MPPED1: variants seen among roughly 807,000 people sequenced by gnomAD.
The protein encoded by MPPED1 is metallophosphoesterase domain-containing protein 1.
Under a neutral mutation model 36.2 loss-of-function variants are expected in MPPED1, and 16 were observed. The observed-to-expected ratio is 0.44, with a 90% confidence interval of 0.30 to 0.67. MPPED1 has a LOEUF of 0.67. Ranked by LOEUF, MPPED1 falls within the 30% of genes least tolerant of loss-of-function variation. The pLI, the probability that MPPED1 is intolerant of heterozygous loss-of-function variation, is 0.10. For synonymous variants in MPPED1, 199 were observed against 191.3 expected, an observed-to-expected ratio of 1.04 and a Z score of -0.33; for missense variants, 307 against 453.4, an observed-to-expected ratio of 0.68 and a Z score of 2.93.
intron 4 of MPPED1, among the ~76,000 whole-genome samples, chr22:43,483,228 C>T (rs549171138): frequency 6.6e-6 from 1 of 152,360 alleles, no homozygotes; most frequent in African/African-American, 2.4e-5. Context: ...ATCTCCTGGC[C>T]CCATAGCTTC....
intron 4 of MPPED1, among the ~76,000 whole-genome samples, chr22:43,495,980 G>T (rs1602017554): frequency 7.1e-6 from 1 of 140,146 alleles, no homozygotes; most frequent in Non-Finnish European, 1.6e-5. Flanking sequence ...GATGGTGGTG[G>T]TGGAGATGGT....
intron 3 of MPPED1, among the ~76,000 whole-genome samples, chr22:43,456,764 G>A (rs530016352): frequency 3.5e-4 from 54 of 152,296 alleles, no homozygotes; most frequent in Admixed American, 1.5e-3. Flanking sequence ...CCAAAGTGCT[G>A]GGATTACAGG....
intron 4 of MPPED1, among the ~76,000 whole-genome samples, chr22:43,486,712 C>T (rs1931922279): frequency 6.6e-6 from 1 of 151,938 alleles, no homozygotes; most frequent in South Asian, 2.1e-4. Context: ...CAGCCTGCAC[C>T]CCGGGAAATG....
intron 3 of MPPED1, among the ~76,000 whole-genome samples, chr22:43,456,980 A>T (rs1363042913): frequency 6.6e-6 from 1 of 152,104 alleles, no homozygotes; most frequent in Non-Finnish European, 1.5e-5. Context: ...ATACCTTTTT[A>T]TATGGTGTCT....
chr22:43,418,285 G>A, intron 1 of MPPED1: 1 of 381,154 alleles, frequency 2.6e-6, no homozygotes, highest in Non-Finnish European at 5.3e-6. Context: ...GAGTTTGAGA[G>A]GCCTGTGTTG....
chr22:43,412,023 C>A lies in MPPED1; in HGVS notation c.-214C>A, dbSNP rs1928917709. The A allele has an allele frequency of 1.0e-6, 1 of 979,220 alleles. No individual in the cohort carries two copies. 60.7% of individuals were successfully genotyped at this position (979,220 alleles called of 1,614,324 possible). On this transcript the variant is annotated 5_prime_UTR_variant, in exon 1 of 7. Transcript: ENST00000443721. ...GAGGAGTCTGGCTCCCACTTGCAGC[C>A]TCGGACGCGCGGCGAGGCGGCCGCC...
At chr22:43,434,534 T>A (rs1929883659) in intron 2 of MPPED1, among the ~76,000 whole-genome samples, 1 of 152,168 alleles carries the variant, frequency 6.6e-6, no homozygotes, top group African/African-American at 2.4e-5. Flanking sequence ...GAAGAAAACG[T>A]CTTGCTCTTC....
intron 3 of MPPED1, among the ~76,000 whole-genome samples, chr22:43,455,299 G>A (rs1401349249): frequency 6.6e-6 from 1 of 151,752 alleles, no homozygotes; most frequent in Non-Finnish European, 1.5e-5. Context: ...TAGTAGAGAT[G>A]GGGTTTCACC....
At chr22:43,443,712 G>C (rs781754192) in intron 3 of MPPED1, among the ~76,000 whole-genome samples, 6 of 151,912 alleles carry the variant, frequency 3.9e-5, no homozygotes, top group Non-Finnish European at 8.8e-5. Context: ...GAGCTAACAA[G>C]AATTCTCTCT....
At chr22:43,431,381 A>G (rs939124646) in intron 2 of MPPED1, among the ~76,000 whole-genome samples, 2 of 151,458 alleles carry the variant, frequency 1.3e-5, no homozygotes, top group Admixed American at 1.3e-4. Context: ...TCTTTCCTTC[A>G]CTTGCAAACA....
chr22:43,457,798 A>C (rs1930807389), intron 3 of MPPED1, among the ~76,000 whole-genome samples: 1 of 152,156 alleles, frequency 6.6e-6, no homozygotes, highest in Non-Finnish European at 1.5e-5. Context: ...GTAGAGTTCT[A>C]TGCCCTCCCC....
intron 4 of MPPED1, among the ~76,000 whole-genome samples, chr22:43,485,283 CAT>C (rs1276144458): frequency 6.6e-6 from 1 of 151,968 alleles, no homozygotes; most frequent in African/African-American, 2.4e-5. Context: ...CGCTCAAACA[CAT>C]GCATTCACAC....
At chr22:43,439,030 G>A (rs561194311) in intron 3 of MPPED1, among the ~76,000 whole-genome samples, 13 of 152,334 alleles carry the variant, frequency 8.5e-5, no homozygotes, top group African/African-American at 2.9e-4. Flanking sequence ...AGACAGACAG[G>A]AAGAGATTTA....
chr22:43,416,218 A>G (rs1419996734), intron 1 of MPPED1, among the ~76,000 whole-genome samples: 1 of 152,158 alleles, frequency 6.6e-6, no homozygotes, highest in Non-Finnish European at 1.5e-5. Context: ...GGAGTTTTGC[A>G]TTTGTAAGTT....
intron 4 of MPPED1, among the ~76,000 whole-genome samples, chr22:43,477,473 C>G (rs995871308): frequency 6.6e-6 from 1 of 152,206 alleles, no homozygotes; most frequent in Non-Finnish European, 1.5e-5. Context: ...CCGCTACCCT[C>G]CCCTGGGAGG....
At position 43,506,575 on chromosome 22, in the gene MPPED1, G is replaced by A. The variant is rs895059505; in HGVS notation, c.*959G>A. The A allele has an allele frequency of 2.6e-5, 4 of 152,248 alleles. No homozygotes were observed. Among genetic ancestry groups the A allele is most frequent in the African/African-American group, 4.8e-5 (2 of 41,452 alleles). 9.4% of individuals were successfully genotyped at this position (152,248 alleles called of 1,614,324 possible). On this transcript the variant is annotated 3_prime_UTR_variant, in exon 7 of 7. Transcript: ENST00000443721. ...GTAGTGAGGTTCTGTTCCTTGGTGC[G>A]GCTTCCCTTGCACCGTTAGGATTCT...
Position 43,502,610 on chromosome 22 carries a change from G to A in MPPED1, c.749-34G>A, listed in dbSNP as rs201933369. The A allele has an allele frequency of 2.0e-5, 31 of 1,568,226 alleles. No homozygotes were observed. Among genetic ancestry groups the A allele is most frequent in the Admixed American group, 1.7e-4 (10 of 59,872 alleles). ...GGGCAGTGAGGGGCTGGGACAGACC[G>A]CGTCATGGCCTCCTGTTGTCTCCCC... On this transcript the variant is annotated intron_variant, in intron 5 of 6. Transcript: ENST00000443721. The surrounding 1 kb of genome is among the most constrained non-coding windows in gnomAD (Gnocchi z 5.5).
intron 1 of MPPED1, among the ~76,000 whole-genome samples, chr22:43,423,473 G>T (rs905512921): frequency 1.3e-5 from 2 of 152,166 alleles, no homozygotes; most frequent in African/African-American, 4.8e-5. Flanking sequence ...GGAAAAGGGA[G>T]ATTTTTTTCC....
chr22:43,443,621 A>C (rs1268514587), intron 3 of MPPED1, among the ~76,000 whole-genome samples: 1 of 152,154 alleles, frequency 6.6e-6, no homozygotes, highest in Non-Finnish European at 1.5e-5. Flanking sequence ...TATTTGTTAA[A>C]GGAATGAGGA....
Sources: gnomAD v4.1 joint callset for allele counts (sites outside exome capture counted in the v4.1 genomes callset) on GRCh38, gnomAD v4.1.1 for gene constraint, Gnocchi (gnomAD v3.1) non-coding constraint, MANE v1.5 for transcripts, NCBI Gene and HGNC (gene_info 2026-07-23, HGNC 2026-07-21) for gene names.